GRIA3: variants seen among roughly 807,000 people sequenced by gnomAD.
GRIA3 encodes the protein glutamate ionotropic receptor AMPA type subunit 3, also known as glutamate receptor 3.
A neutral mutation model predicts 63.0 loss-of-function variants in GRIA3; 3 were observed. The observed-to-expected ratio is 0.05, with a 90% CI of 0.02 to 0.12. GRIA3 has a LOEUF of 0.12. Among genes scored for constraint, GRIA3 ranks in the 10% least tolerant of loss-of-function variants. The pLI is 1.00. For synonymous variants in GRIA3, 274 were observed against 257.9 expected, an observed-to-expected ratio of 1.06 and a Z score of -0.60; for missense variants, 347 against 700.9, an observed-to-expected ratio of 0.50 and a Z score of 5.70.
At position 123,297,534 on chromosome X, in the gene GRIA3, T is replaced by G. The variant is rs369994226; in HGVS notation, c.509-28492T>G. Among the ~76,000 whole-genome samples, 16 of 111,489 alleles carry G rather than the reference T, an allele frequency of 1.4e-4. 1 individual carries two copies. In the East Asian group the frequency reaches 4.2e-3, roughly 30 times the overall value. ...GAAAAGTGGTAACAATAGCTAATGT[T>G]TGTCTAGTGCTTACTATCTGCAAAG... On this transcript the variant is annotated intron_variant, in intron 3 of 15. Coordinates refer to ENST00000620443, the MANE Select transcript of GRIA3 (RefSeq NM_007325.5).
rs752619787 is a variant in GRIA3, at chrX:123,417,390, C to CT, written c.1501-4dup. The CT allele has an allele frequency of 4.5e-5, 53 of 1,181,674 alleles. No individual in the cohort carries two copies. Among genetic ancestry groups the CT allele is most frequent in the Non-Finnish European group, 5.3e-5 (46 of 872,674 alleles). ...AAGTCATATATGTTTTCTTTTTTTTCTTTTTTTTCAGAGAGCTGATATAGC... is the reference window on the plus strand; with the variant it reads ...AAGTCATATATGTTTTCTTTTTTTTCTTTTTTTTTCAGAGAGCTGATATAGC... On this transcript the variant is annotated splice_polypyrimidine_tract_variant and intron_variant, in intron 10 of 15. Transcript: ENST00000620443.
intron 5 of GRIA3, among the ~76,000 whole-genome samples, chrX:123,374,439 C>G (rs1001248817): frequency 1.2e-4 from 13 of 111,676 alleles, no homozygotes; most frequent in African/African-American, 4.2e-4. Flanking sequence ...CTATAAATTA[C>G]CTTGGGCAAT....
intron 2 of GRIA3, among the ~76,000 whole-genome samples, chrX:123,252,274 T>A (rs2044394999): frequency 1.8e-5 from 2 of 112,364 alleles, no homozygotes; most frequent in Admixed American, 1.9e-4. Context: ...CTTGAAGAAG[T>A]AAACTTAACA....
At chrX:123,263,992 A>G (rs1346915051) in intron 3 of GRIA3, among the ~76,000 whole-genome samples, 2 of 111,955 alleles carry the variant, frequency 1.8e-5, no homozygotes, top group Non-Finnish European at 3.8e-5. Context: ...CCCTCCCCCT[A>G]AATAAAGGCT....
At chrX:123,328,929 T>C (rs1354892486) in intron 4 of GRIA3, among the ~76,000 whole-genome samples, 1 of 112,296 alleles carries the variant, frequency 8.9e-6, no homozygotes, top group African/African-American at 3.2e-5. Context: ...CAACATGATA[T>C]TTATTTATAG....
At chrX:123,342,370 G>C (rs2045014492) in intron 4 of GRIA3, among the ~76,000 whole-genome samples, 1 of 111,923 alleles carries the variant, frequency 8.9e-6, no homozygotes, top group African/African-American at 3.2e-5. Flanking sequence ...AAATTAACTT[G>C]CCTGGTCAGA....
At chrX:123,374,308 A>G (rs899171428) in intron 5 of GRIA3, among the ~76,000 whole-genome samples, 2 of 111,008 alleles carry the variant, frequency 1.8e-5, no homozygotes, top group African/African-American at 6.6e-5. Flanking sequence ...CAGCTTTGTT[A>G]TTTTTGCCTA....
At chrX:123,448,559 T>C (rs1164161204) in intron 12 of GRIA3, among the ~76,000 whole-genome samples, 1 of 112,103 alleles carries the variant, frequency 8.9e-6, no homozygotes, top group Non-Finnish European at 1.9e-5. Flanking sequence ...GCTGTAGACC[T>C]ATACTGTCCA....
intron 5 of GRIA3, among the ~76,000 whole-genome samples, chrX:123,361,624 GT>G (rs753884004): frequency 9.0e-6 from 1 of 111,552 alleles, no homozygotes; most frequent in Non-Finnish European, 1.9e-5. Context: ...TCAGCTTAAA[GT>G]TGCGAACTCT....
intron 3 of GRIA3, among the ~76,000 whole-genome samples, chrX:123,312,902 G>T (rs968883799): frequency 2.7e-5 from 3 of 111,963 alleles, no homozygotes; most frequent in Non-Finnish European, 3.8e-5. Context: ...AAACCATTTT[G>T]TCTTTCTGGG....
chrX:123,273,460 A>T (rs1282718662), intron 3 of GRIA3, among the ~76,000 whole-genome samples: 4 of 112,080 alleles, frequency 3.6e-5, no homozygotes, highest in Non-Finnish European at 7.5e-5. Context: ...TAAAAAAGAG[A>T]ACCCCTGCTT....
chrX:123,352,369 C>T (rs920923725), intron 4 of GRIA3, among the ~76,000 whole-genome samples: 1 of 112,676 alleles, frequency 8.9e-6, no homozygotes, highest in Admixed American at 9.3e-5. Context: ...CGTAAGCCAC[C>T]GCACCCAGCC....
At chrX:123,262,477 T>C (rs911109640) in intron 3 of GRIA3, among the ~76,000 whole-genome samples, 1 of 111,375 alleles carries the variant, frequency 9.0e-6, no homozygotes, top group Non-Finnish European at 1.9e-5. Flanking sequence ...ATGTCAACAG[T>C]GCCAAGGAAG....
chrX:123,337,380 T>TTATCTCAA (rs2044981016), intron 4 of GRIA3, among the ~76,000 whole-genome samples: 1 of 112,186 alleles, frequency 8.9e-6, no homozygotes, highest in African/African-American at 3.2e-5. Context: ...ATGCCTTTAA[T>TTATCTCAA]TATCTCAATA....
intron 3 of GRIA3, among the ~76,000 whole-genome samples, chrX:123,254,519 A>C (rs1246053815): frequency 1.8e-5 from 2 of 111,157 alleles, no homozygotes; most frequent in Non-Finnish European, 3.8e-5. Context: ...CAGAATTTTT[A>C]AACTCAGAAG....
intron 5 of GRIA3, among the ~76,000 whole-genome samples, chrX:123,365,457 C>A (rs2045204421): frequency 1.9e-5 from 2 of 106,930 alleles, no homozygotes; most frequent in African/African-American, 6.8e-5. Flanking sequence ...GCCAGGGGAG[C>A]AGAAGATAAC....
At chrX:123,234,769 C>A (rs745410160) in intron 2 of GRIA3, among the ~76,000 whole-genome samples, 1 of 111,513 alleles carries the variant, frequency 9.0e-6, no homozygotes, top group East Asian at 2.8e-4. Flanking sequence ...GCTAAGGTAT[C>A]CATGGGTAAA....
chrX:123,341,039 A>C (rs917711844), intron 4 of GRIA3, among the ~76,000 whole-genome samples: 3 of 112,316 alleles, frequency 2.7e-5, no homozygotes, highest in African/African-American at 9.7e-5. Flanking sequence ...TGCTTGGCTC[A>C]TCTAACAAGA....
chrX:123,330,936 A>T (rs908766968), intron 4 of GRIA3, among the ~76,000 whole-genome samples: 2 of 112,400 alleles, frequency 1.8e-5, no homozygotes, highest in African/African-American at 6.5e-5. Flanking sequence ...AAATATCCTT[A>T]TAGAAGACTT....
Sources: allele counts gnomAD v4.1 joint callset (sites outside exome capture counted in the v4.1 genomes callset), GRCh38; gene constraint gnomAD v4.1.1; transcripts MANE v1.5; gene names NCBI Gene and HGNC (gene_info 2026-07-23, HGNC 2026-07-21).